The following HNF4G variants were observed in gnomAD, a reference collection of about 807,000 sequenced individuals.
The protein encoded by HNF4G is hepatocyte nuclear factor 4 gamma.
Under a neutral mutation model 50.9 loss-of-function variants are expected in HNF4G, and 21 were observed. That is an observed-to-expected ratio of 0.41 (90% CI 0.29 to 0.59). The LOEUF (loss-of-function observed/expected upper bound fraction) is 0.59. HNF4G is among the 20% of genes least tolerant of loss of function. HNF4G has a pLI of 0.26. For missense variants in HNF4G, 527 were observed against 559.4 expected (o/e 0.94, Z 0.58); for synonymous variants, 198 against 185.6 (o/e 1.07, Z -0.54).
chr8:75,553,904 T>A (rs1807041209), intron 5 of HNF4G, among the ~76,000 whole-genome samples: 1 of 152,160 alleles, frequency 6.6e-6, no homozygotes, highest in African/African-American at 2.4e-5. Context: ...AATTTCCTAA[T>A]TGTACTATAA....
chr8:75,442,560 G>A lies in HNF4G; in HGVS notation c.-144+34398G>A, dbSNP rs180898950. On this transcript the variant is annotated intron_variant, in intron 1 of 10. Transcript: ENST00000354370. Reference sequence around the variant, plus strand: ...CTGTCTCCAGCTTGGGCAACAGAGAGAGACCTGGTCTCAATTAAAAATAAA... The same window carrying A: ...CTGTCTCCAGCTTGGGCAACAGAGAAAGACCTGGTCTCAATTAAAAATAAA... 4.6e-3 allele frequency among the ~76,000 whole-genome samples: 695 copies of A among 152,064 alleles called. 1 individual carries two copies. The highest frequency in any genetic ancestry group is 8.4e-3 in the Non-Finnish European group (573 of 68,002).
chr8:75,413,494 C>G (rs1810555942), intron 1 of HNF4G, among the ~76,000 whole-genome samples: 1 of 151,936 alleles, frequency 6.6e-6, no homozygotes, highest in Admixed American at 6.6e-5. Context: ...TTGAAACTGA[C>G]CTACATTTTT....
intron 1 of HNF4G, among the ~76,000 whole-genome samples, chr8:75,452,021 T>A (rs907522990): frequency 6.6e-6 from 1 of 152,110 alleles, no homozygotes; most frequent in Non-Finnish European, 1.5e-5. Context: ...GAAACTTAGT[T>A]CCATGGCTTC....
intron 1 of HNF4G, among the ~76,000 whole-genome samples, chr8:75,435,182 C>G (rs1811107842): frequency 6.6e-6 from 1 of 152,084 alleles, no homozygotes; most frequent in Non-Finnish European, 1.5e-5. Flanking sequence ...GAAAGAAAAA[C>G]TAAATTTGTT....
chr8:75,524,963 T>C (rs757229037), intron 2 of HNF4G, among the ~76,000 whole-genome samples: 7 of 152,190 alleles, frequency 4.6e-5, no homozygotes, highest in Non-Finnish European at 7.3e-5. Flanking sequence ...TATTAAAACT[T>C]GTATTAACCT....
intron 1 of HNF4G, among the ~76,000 whole-genome samples, chr8:75,412,378 G>A (rs28485088): frequency 0.054 from 8,249 of 152,216 alleles, 621 homozygotes; most frequent in African/African-American, 0.16. Flanking sequence ...TGAGAAAATA[G>A]TTCTTACTTT....
At chr8:75,538,995 A>G (rs905634449), upstream of HNF4G, among the ~76,000 whole-genome samples, 5 of 152,232 alleles carry the variant, frequency 3.3e-5, no homozygotes, top group African/African-American at 4.8e-5. Context: ...CTTGGAAAAT[A>G]GAATCAATAA....
Position 75,556,038 on chromosome 8 carries a change from A to T in HNF4G, c.702A>T (p.Arg234Ser). The T allele has an allele frequency of 6.3e-7, 1 of 1,583,960 alleles. No individual in the cohort carries two copies. The highest frequency in any genetic ancestry group is 8.6e-7 in the Non-Finnish European group (1 of 1,164,564). Residue 234 changes from arginine to serine, a missense_variant, in exon 6 of 10, where the codon AGA (arginine) becomes AGT (serine). Arg to Ser is a moderately radical substitution (Grantham distance 110). This residue lies in a region of HNF4G where 308 missense variants were observed against 301.5 expected (regional missense o/e 1.02). Transcript: ENST00000396423. ...ACTTACTGCTTGGAGCTACAAAGAG[A>T]TCCATGATGTATAAAGATATTTTGC... ...GEHLLLGATK[R>S]SMMYKDILLL...
chr8:75,555,585 C>T (rs1807092689), intron 5 of HNF4G, among the ~76,000 whole-genome samples: 1 of 151,504 alleles, frequency 6.6e-6, no homozygotes, highest in Non-Finnish European at 1.5e-5. Flanking sequence ...TTTTTTATCT[C>T]TACTCCCATT....
chr8:75,521,014 G>A (rs1806024951), intron 2 of HNF4G, among the ~76,000 whole-genome samples: 2 of 151,938 alleles, frequency 1.3e-5, no homozygotes, highest in Admixed American at 1.3e-4. Context: ...TATAAAAAAT[G>A]CCAAGTTTTC....
intron 2 of HNF4G, among the ~76,000 whole-genome samples, chr8:75,509,526 G>A (rs1036153115): frequency 8.5e-5 from 13 of 152,194 alleles, no homozygotes; most frequent in South Asian, 4.1e-4. Context: ...TTTGGAAATC[G>A]TAGCAAAGTA....
chr8:75,448,799 A>C (rs1326463540), intron 1 of HNF4G, among the ~76,000 whole-genome samples: 1 of 152,144 alleles, frequency 6.6e-6, no homozygotes, highest in African/African-American at 2.4e-5. Flanking sequence ...GTAATGACAG[A>C]TTTGATGAAA....
At chr8:75,529,443 A>G (rs1322676129) in intron 2 of HNF4G, among the ~76,000 whole-genome samples, 1 of 152,166 alleles carries the variant, frequency 6.6e-6, no homozygotes, top group Non-Finnish European at 1.5e-5. Context: ...AAACCATATC[A>G]TCTTAGCTGT....
At chr8:75,502,041 C>T (rs559803148) in intron 2 of HNF4G, among the ~76,000 whole-genome samples, 2 of 151,960 alleles carry the variant, frequency 1.3e-5, no homozygotes, top group Non-Finnish European at 2.9e-5. Flanking sequence ...TTAGTAGAGA[C>T]GAGGTTTCAC....
At chr8:75,518,964 G>C (rs1418815888) in intron 2 of HNF4G, among the ~76,000 whole-genome samples, 1 of 152,090 alleles carries the variant, frequency 6.6e-6, no homozygotes, top group Non-Finnish European at 1.5e-5. Flanking sequence ...TTTATGCTCT[G>C]CTTCCTCTTT....
At chr8:75,524,803 TAGAC>T (rs1423107435) in intron 2 of HNF4G, among the ~76,000 whole-genome samples, 15 of 152,204 alleles carry the variant, frequency 9.9e-5, no homozygotes. Flanking sequence ...AAGATTAAAG[TAGAC>T]AGAATTTGCT....
intron 2 of HNF4G, among the ~76,000 whole-genome samples, chr8:75,497,986 C>T (rs1472721041): frequency 6.6e-6 from 1 of 151,576 alleles, no homozygotes; most frequent in Non-Finnish European, 1.5e-5. Flanking sequence ...GTATTCATAC[C>T]ACAGGCAAAT....
intron 2 of HNF4G, among the ~76,000 whole-genome samples, chr8:75,514,145 A>G (rs1406244553): frequency 2.6e-5 from 4 of 151,914 alleles, no homozygotes; most frequent in African/African-American, 4.8e-5. Context: ...TAAGCTAAAT[A>G]TAAGCTGAGT....
Position 75,477,285 on chromosome 8 carries a change from T to G in HNF4G, c.-143-12804T>G, listed in dbSNP as rs552046983. Among the ~76,000 whole-genome samples the G allele has an allele frequency of 7.9e-5, 12 of 152,344 alleles. No homozygotes were observed. In the East Asian group the frequency reaches 2.3e-3, roughly 29 times the overall value. On this transcript the variant is annotated intron_variant, in intron 1 of 10. Transcript: ENST00000354370. ...TTAAATTTTCTAAAGATTCTTAGGTTAATTTTTTTAACTGTGTACTTTCAG... is the reference window on the plus strand; with the variant it reads ...TTAAATTTTCTAAAGATTCTTAGGTGAATTTTTTTAACTGTGTACTTTCAG...
Sources: allele counts gnomAD v4.1 joint callset (sites outside exome capture counted in the v4.1 genomes callset), GRCh38; gene constraint gnomAD v4.1.1; regional missense constraint gnomAD v4.1.1; transcripts MANE v1.5; gene names NCBI Gene and HGNC (gene_info 2026-07-23, HGNC 2026-07-21).